NUDT7: variants seen among roughly 807,000 people sequenced by gnomAD.
NUDT7 encodes the protein peroxisomal coenzyme A diphosphatase NUDT7.
Under a neutral mutation model 13.1 loss-of-function variants are expected in NUDT7, and 19 were observed. That is an observed-to-expected ratio of 1.45 (90% CI 1.01 to 2.13). NUDT7 has a LOEUF of 2.13. Ranked by LOEUF, NUDT7 falls within the 30% of genes most tolerant of loss-of-function variation. The pLI is 0.00. For synonymous variants in NUDT7, 132 were observed against 109.7 expected (o/e 1.20, Z -1.27); for missense variants, 360 against 291.7 (o/e 1.23, Z -1.71).
At chr16:77,737,686 C>T (rs536878866) in intron 3 of NUDT7, among the ~76,000 whole-genome samples, 3 of 152,178 alleles carry the variant, frequency 2.0e-5, no homozygotes, top group South Asian at 2.1e-4. Context: ...GGGGTTTCAC[C>T]GTGTTAGTCA....
intron 2 of NUDT7, among the ~76,000 whole-genome samples, chr16:77,729,101 G>T (rs2014232795): frequency 6.6e-6 from 1 of 152,180 alleles, no homozygotes; most frequent in East Asian, 1.9e-4. Context: ...AATAAGAAAT[G>T]TATACTATTT....
chr16:77,724,051 GTC>G (rs1480785224), intron 1 of NUDT7, among the ~76,000 whole-genome samples: 4 of 152,234 alleles, frequency 2.6e-5, no homozygotes, highest in Non-Finnish European at 5.9e-5. Context: ...AATAGAAATG[GTC>G]TCTCATGGCT....
chr16:77,741,429 A>AG, intron 3 of NUDT7, 153 bp from the exon 4 acceptor site: 1 of 699,378 alleles, frequency 1.4e-6, no homozygotes, highest in Non-Finnish European at 2.3e-6. Context: ...CTCCCATTTT[A>AG]GGGGGAACAT....
At position 77,742,059 on chromosome 16, in the gene NUDT7, C is replaced by A. The variant is rs1294926557; in HGVS notation, c.*109C>A. 21 of 1,482,064 alleles carry A rather than the reference C, an allele frequency of 1.4e-5. No homozygotes were observed. The highest frequency in any genetic ancestry group is 1.6e-5 in the Non-Finnish European group (18 of 1,125,674). The allele number at this position is 1,482,064 out of a possible 1,614,324, so 91.8% of individuals were successfully genotyped here. On this transcript the variant is annotated 3_prime_UTR_variant, in exon 4 of 4. Transcript: ENST00000268533. The stretch of plus-strand genomic sequence containing the variant: ...AATTTGACAGGTGTGAATATTTTTT[C>A]TGCAGTATGTAGTTAGAATCCTTGC...
At position 77,741,595 on chromosome 16, in the gene NUDT7, T is replaced by TAA; in HGVS notation, c.363_364dup (p.Thr122LysfsTer7). On this transcript the variant is annotated frameshift_variant, in exon 4 of 4. Transcript: ENST00000268533. LOFTEE classifies it low-confidence loss of function (END_TRUNC). ...TTCTGCTTTTAGACAGATACATTGA[T>TAA]AACTCCATTTGTGGGTTTAATAGAC... 6.2e-7 allele frequency: 1 copy of TAA among 1,606,628 alleles called. No individual in the cohort carries two copies. The highest frequency in any genetic ancestry group is 8.5e-7 in the Non-Finnish European group (1 of 1,177,730).
At chr16:77,724,997 A>C (rs2014084477) in intron 1 of NUDT7, among the ~76,000 whole-genome samples, 1 of 152,172 alleles carries the variant, frequency 6.6e-6, no homozygotes, top group African/African-American at 2.4e-5. Flanking sequence ...TTGCTGCTAA[A>C]GCTTGGGAAC....
intron 2 of NUDT7, among the ~76,000 whole-genome samples, chr16:77,730,561 G>A (rs778904583): frequency 2.0e-5 from 3 of 152,154 alleles, no homozygotes; most frequent in Non-Finnish European, 4.4e-5. Flanking sequence ...GAACAATGCT[G>A]CAGTAAACAT....
At chr16:77,741,536 G>C in intron 3 of NUDT7, 46 bp from the exon 4 acceptor site, 2 of 1,528,694 alleles carry the variant, frequency 1.3e-6, no homozygotes, top group Non-Finnish European at 1.8e-6. Context: ...ATTTGAAGCA[G>C]TATCACTTCA....
At position 77,726,204 on chromosome 16, in the gene NUDT7, G is replaced by A. The variant is rs150642768; in HGVS notation, c.189+620G>A. Among the ~76,000 whole-genome samples the A allele has an allele frequency of 1.5e-4, 23 of 152,308 alleles. No homozygotes were observed. In the East Asian group the frequency reaches 3.7e-3, roughly 24 times the overall value. ...CCTTGCCAGCTGTGACTTTGGCCTC[G>A]TTACTTGCCCTCTCTGTACTTCAGT... On this transcript the variant is annotated intron_variant, in intron 2 of 3. Coordinates refer to ENST00000268533, the MANE Select transcript of NUDT7 (RefSeq NM_001105663.3).
At chr16:77,736,628 T>A in intron 3 of NUDT7, 1 of 238,382 alleles carries the variant, frequency 4.2e-6, no homozygotes, top group South Asian at 4.5e-5. Flanking sequence ...TCTTATTTTC[T>A]TTTTTATTTT....
At chr16:77,736,453 G>A (rs308924) in intron 3 of NUDT7, among the ~76,000 whole-genome samples, 140,292 of 152,218 alleles carry the variant, frequency 0.92, 65,442 homozygotes, top group South Asian at 0.99. Context: ...GCCTCTCTGT[G>A]ATACATTAAT....
rs574329771 is a variant in NUDT7, at chr16:77,734,064, G to C, written c.190-1764G>C. Among the ~76,000 whole-genome samples the C allele has an allele frequency of 1.8e-4, 27 of 152,250 alleles. No homozygotes were observed. The South Asian group carries it at 5.6e-3, about 32-fold the overall frequency. Reference sequence around the variant, plus strand: ...GGAAGGAATGGAATCAAGGAAGGGGGCAATGCGGGGAAAGAGGAGACCTCT... The same window carrying C: ...GGAAGGAATGGAATCAAGGAAGGGGCCAATGCGGGGAAAGAGGAGACCTCT... On this transcript the variant is annotated intron_variant, in intron 2 of 3. Transcript: ENST00000268533.
chr16:77,730,354 C>T (rs751368088), intron 2 of NUDT7, among the ~76,000 whole-genome samples: 1 of 152,108 alleles, frequency 6.6e-6, no homozygotes, highest in Admixed American at 6.6e-5. Context: ...TTTAATATTC[C>T]ACATATGAAT....
chr16:77,729,617 G>A (rs1488763533), intron 2 of NUDT7, among the ~76,000 whole-genome samples: 1 of 152,140 alleles, frequency 6.6e-6, no homozygotes, highest in African/African-American at 2.4e-5. Flanking sequence ...CCTGAGGTCA[G>A]GAGTTTGAGA....
intron 3 of NUDT7, among the ~76,000 whole-genome samples, chr16:77,740,854 G>A (rs934973732): frequency 6.6e-6 from 1 of 152,134 alleles, no homozygotes; most frequent in African/African-American, 2.4e-5. Flanking sequence ...GGCCACTCAT[G>A]TTCATTTGCA....
Position 77,741,996 on chromosome 16 carries a change from G to C in NUDT7, c.*46G>C. ...AGAACTATTCACGAGGATTCTGTGT[G>C]TGCTTATTCGTAGAACAACAACAAT... On this transcript the variant is annotated 3_prime_UTR_variant, in exon 4 of 4. Coordinates refer to ENST00000268533, the MANE Select transcript of NUDT7 (RefSeq NM_001105663.3). 1 of 1,512,818 alleles carries C rather than the reference G, an allele frequency of 6.6e-7. No homozygotes were observed. Among genetic ancestry groups the C allele is most frequent in the Non-Finnish European group, 8.8e-7 (1 of 1,138,602 alleles). 93.7% of individuals were successfully genotyped at this position (1,512,818 alleles called of 1,614,324 possible). A position where few individuals can be genotyped will look rare whatever the true frequency, so the allele number is the denominator to read the frequency against.
chr16:77,739,447 T>C (rs981116174), intron 3 of NUDT7, among the ~76,000 whole-genome samples: 1 of 152,214 alleles, frequency 6.6e-6, no homozygotes, highest in Admixed American at 6.5e-5. Context: ...TAATCTGTCA[T>C]GGCACTAGTG....
intron 2 of NUDT7, among the ~76,000 whole-genome samples, chr16:77,728,336 A>T (rs2014207160): frequency 6.6e-6 from 1 of 152,072 alleles, no homozygotes; most frequent in Non-Finnish European, 1.5e-5. Flanking sequence ...GGGTTCAAGC[A>T]ATTCTCCCAC....
chr16:77,730,753 C>G (rs1006227415), intron 2 of NUDT7, among the ~76,000 whole-genome samples: 1 of 151,606 alleles, frequency 6.6e-6, no homozygotes, highest in Non-Finnish European at 1.5e-5. Context: ...TCCCTTTTTT[C>G]CATATCCTCA....
Sources: gnomAD v4.1 joint callset for allele counts (sites outside exome capture counted in the v4.1 genomes callset) on GRCh38, gnomAD v4.1.1 for gene constraint, MANE v1.5 for transcripts, NCBI Gene and HGNC (gene_info 2026-07-23, HGNC 2026-07-21) for gene names.